The following GTPBP3 variants were observed in gnomAD, a reference collection of about 807,000 sequenced individuals.
The protein encoded by GTPBP3 is 5-taurinomethyluridine-[tRNA] synthase subunit GTPB3, mitochondrial.
Under a neutral mutation model 42.0 loss-of-function variants are expected in GTPBP3, and 35 were observed. The ratio of observed to expected loss-of-function variants is 0.83; its 90% CI spans 0.64 to 1.10. GTPBP3 has a LOEUF of 1.10. GTPBP3 is among the 50% of genes least tolerant of loss of function. GTPBP3 has a pLI of 0.00. For synonymous variants in GTPBP3, 332 were observed against 314.9 expected (o/e 1.05, Z -0.58); for missense variants, 691 against 685.2 (o/e 1.01, Z -0.09).
intron 7 of GTPBP3, 131 bp downstream of exon 7, chr19:17,339,730 A>C: frequency 1.7e-6 from 1 of 575,254 alleles, no homozygotes; most frequent in Non-Finnish European, 2.8e-6. Context: ...GATCTCAGGG[A>C]TTTGGTTCTT....
chr19:17,341,262 G>A lies in GTPBP3; in HGVS notation c.1193G>A (p.Cys398Tyr). 6.2e-7 allele frequency: 1 copy of A among 1,606,238 alleles called. No homozygotes were observed. The highest frequency in any genetic ancestry group is 8.5e-7 in the Non-Finnish European group (1 of 1,179,952). Residue 398 changes from cysteine to tyrosine, a missense_variant, in exon 8 of 9, where the codon TGT (cysteine) becomes TAT (tyrosine). Cys to Tyr is a radical substitution (Grantham distance 194, BLOSUM62 -2). Transcript: ENST00000324894. ...CTGCCCCCGCACCTGCTGCTGTCCT[G>A]TCTGACGGGAGAGGGGCTGGACGGC... ...PDLPPHLLLS[C>Y]LTGEGLDGLL...
chr19:17,339,277 G>T lies in GTPBP3; in HGVS notation c.808+11G>T. On this transcript the variant is annotated intron_variant, in intron 6 of 8. Coordinates refer to ENST00000324894, the MANE Select transcript of GTPBP3 (RefSeq NM_032620.4). ...TAGTGAACCTGCTCAGTGAGTAGGC[G>T]GCGGGAAGGGGGCGGGGCCTAGTGC... 6.3e-7 allele frequency: 1 copy of T among 1,593,516 alleles called. No homozygotes were observed.
chr19:17,339,277 G>A lies in GTPBP3; in HGVS notation c.808+11G>A. 3 of 1,593,518 alleles carry A rather than the reference G, an allele frequency of 1.9e-6. No individual in the cohort carries two copies. Among genetic ancestry groups the A allele is most frequent in the African/African-American group, 2.7e-5 (2 of 74,752 alleles). On this transcript the variant is annotated intron_variant, in intron 6 of 8. Transcript: ENST00000324894. ...TAGTGAACCTGCTCAGTGAGTAGGC[G>A]GCGGGAAGGGGGCGGGGCCTAGTGC...
chr19:17,339,715 G>T, intron 7 of GTPBP3, 116 bp downstream of exon 7: 1 of 920,738 alleles, frequency 1.1e-6, no homozygotes. Context: ...GCCCTATCAA[G>T]CATGGATCTC....
chr19:17,335,502 G>T (rs956166116), upstream of GTPBP3, among the ~76,000 whole-genome samples: 1 of 152,180 alleles, frequency 6.6e-6, no homozygotes, highest in African/African-American at 2.4e-5. Flanking sequence ...CAAGGCTGCA[G>T]TGAGCTGAGA....
upstream of GTPBP3, chr19:17,336,842 C>CAG (rs1262158032): frequency 6.6e-6 from 1 of 152,174 alleles, no homozygotes; most frequent in Non-Finnish European, 1.5e-5. Flanking sequence ...ACCAGAGAGA[C>CAG]AGAGAGCCAA....
intron 7 of GTPBP3, 122 bp downstream of exon 7, chr19:17,339,721 A>C: frequency 1.3e-6 from 1 of 766,794 alleles, no homozygotes; most frequent in East Asian, 3.1e-5. Flanking sequence ...TCAAGCATGG[A>C]TCTCAGGGAT....
Position 17,341,194 on chromosome 19 carries a change from G to T in GTPBP3, c.1125G>T (p.Lys375Asn). The change falls in exon 8 of 9, where the codon AAG becomes AAT. Residue 375 changes from lysine to asparagine, a missense_variant. Transcript: ENST00000324894. ...AGCGCCTCCTCCTGGTGCTGAACAA[G>T]TCGGACCTGCTGTCCCCGGAGGGCC... ...SSQRLLLVLNKSDLLSPEGPG... is the reference protein window; with the variant it reads ...SSQRLLLVLNNSDLLSPEGPG... 6.2e-7 allele frequency: 1 copy of T among 1,611,436 alleles called. No homozygotes were observed.
At chr19:17,338,817 C>G in intron 4 of GTPBP3, 76 bp downstream of exon 4, 1 of 1,537,228 alleles carries the variant, frequency 6.5e-7, no homozygotes, top group East Asian at 2.3e-5. Context: ...CCCTCTCAAT[C>G]CCGCATTCAT....
At chr19:17,339,738 C>CTTTTTTT (rs34014252) in intron 7 of GTPBP3, 139 bp downstream of exon 7, 1 of 422,378 alleles carries the variant, frequency 2.4e-6, no homozygotes, top group Admixed American at 5.6e-5. Flanking sequence ...GGATTTGGTT[C>CTTTTTTT]TTTTTTTTTT....
In GTPBP3 at chr19:17,338,670, C is replaced by T. The variant is rs2145701178; in HGVS notation, c.520C>T (p.Arg174Trp). 4.3e-6 allele frequency: 7 copies of T among 1,613,686 alleles called. No individual in the cohort carries two copies. In the East Asian group the frequency reaches 6.7e-5, roughly 15 times the overall value. ...CCACGCGGAAACAGAGGCGCAGCGG[C>T]GGCAGGCCCTCAGGCAGCTGGACGG... Reference protein sequence around the residue: ...LIHAETEAQRRQALRQLDGEL... With the variant: ...LIHAETEAQRWQALRQLDGEL... The change falls in exon 4 of 9, where the codon CGG (arginine) becomes TGG (tryptophan). Residue 174 changes from arginine (R) to tryptophan (W), a missense_variant. By Grantham distance (101) the Arg-to-Trp change is moderately radical (BLOSUM62 -3). Coordinates refer to ENST00000324894, the MANE Select transcript of GTPBP3 (RefSeq NM_032620.4).
chr19:17,338,068 G>GC lies in GTPBP3; in HGVS notation c.115dup (p.Leu39ProfsTer70). 2 of 1,597,934 alleles carry GC rather than the reference G, an allele frequency of 1.3e-6. No homozygotes were observed. Among genetic ancestry groups the GC allele is most frequent in the Non-Finnish European group, 1.7e-6 (2 of 1,179,464 alleles). ...CCGGCTCCGGCGCCACCATCTTCGC[G>GC]CTAAGCTCTGGCCAAGGCCGCTGCG... On this transcript the variant is annotated frameshift_variant, in exon 2 of 9. Transcript: ENST00000324894. LOFTEE classifies it high-confidence loss of function.
Position 17,341,041 on chromosome 19 carries a change from C to T in GTPBP3, c.975-3C>T. On this transcript the variant is annotated splice_polypyrimidine_tract_variant and splice_region_variant and intron_variant, in intron 7 of 8. Coordinates refer to ENST00000324894, the MANE Select transcript of GTPBP3 (RefSeq NM_032620.4). ...CCCCGCTCAGTTGACCTTGCTCCCG[C>T]AGGCTAGAGCAGGCTGACCTCATTC... 6.2e-7 allele frequency: 1 copy of T among 1,610,518 alleles called. No individual in the cohort carries two copies. The highest frequency in any genetic ancestry group is 8.5e-7 in the Non-Finnish European group (1 of 1,177,678).
chr19:17,340,160 G>A (rs574008263), intron 7 of GTPBP3, among the ~76,000 whole-genome samples: 2 of 151,966 alleles, frequency 1.3e-5, no homozygotes, highest in East Asian at 3.9e-4. Context: ...TGGGCCTCCC[G>A]AGTAGCTGGG....
At position 17,339,614 on chromosome 19, in the gene GTPBP3, T is replaced by C. The variant is rs753469253; in HGVS notation, c.974+15T>C. On this transcript the variant is annotated intron_variant, in intron 7 of 8. Transcript: ENST00000324894. The stretch of plus-strand genomic sequence containing the variant: ...GCCCGGGAGAGGTGGGCGGACAGGG[T>C]GGTGATGGGAGGGGAACGCGGGGCC... 1.3e-6 allele frequency: 2 copies of C among 1,588,494 alleles called. No individual in the cohort carries two copies. Among genetic ancestry groups the C allele is most frequent in the Non-Finnish European group, 8.5e-7 (1 of 1,172,160 alleles).
In GTPBP3 at chr19:17,338,267, C is replaced by T. The variant is rs1468486895; in HGVS notation, c.301+12C>T. 6.3e-6 allele frequency: 10 copies of T among 1,596,446 alleles called. No individual in the cohort carries two copies. The South Asian group carries it at 1.0e-4, about 16-fold the overall frequency. ...GCTCTGGTTCCCAGGTGAGGGTCCC[C>T]AGGTTCCGAGCCTCCTGTAGGTCCC... On this transcript the variant is annotated intron_variant, in intron 2 of 8. Coordinates refer to ENST00000324894, the MANE Select transcript of GTPBP3 (RefSeq NM_032620.4).
chr19:17,341,318 G>T lies in GTPBP3; in HGVS notation c.1249G>T (p.Ala417Ser), dbSNP rs1158598750. 5 of 1,596,812 alleles carry T rather than the reference G, an allele frequency of 3.1e-6. No homozygotes were observed. Among genetic ancestry groups the T allele is most frequent in the Non-Finnish European group, 4.3e-6 (5 of 1,174,540 alleles). The change falls in exon 8 of 9, where the codon GCA becomes TCA. Residue 417 changes from alanine to serine, a missense_variant. Physicochemically the swap from Ala to Ser is moderately conservative, Grantham distance 99. Coordinates refer to ENST00000324894, the MANE Select transcript of GTPBP3 (RefSeq NM_032620.4). ...GGAGGCGCTGAGGAAGGAGCTAGCT[G>T]CAGTGTGAGCCCCCTCCCACTCCCA... ...LLEALRKELA[A>S]VCGDPSTDPP...
chr19:17,338,030 G>T lies in GTPBP3; in HGVS notation c.76G>T (p.Gly26Cys), dbSNP rs774670384. The change falls in exon 2 of 9, where the codon GGC becomes TGC. Residue 26 changes from glycine to cysteine, a missense_variant. Gly to Cys is a radical substitution (Grantham distance 159). Coordinates refer to ENST00000324894, the MANE Select transcript of GTPBP3 (RefSeq NM_032620.4). ...CAGATTGTGCACGCGCCGGAGCAGCGGCGCACCAGCCCCCGGCTCCGGCGC... is the reference window on the plus strand; with the variant it reads ...CAGATTGTGCACGCGCCGGAGCAGCTGCGCACCAGCCCCCGGCTCCGGCGC... ...PRRLCTRRSS[G>C]APAPGSGATI... 5 of 1,597,690 alleles carry T rather than the reference G, an allele frequency of 3.1e-6. No individual in the cohort carries two copies. The highest frequency in any genetic ancestry group is 2.5e-6 in the Non-Finnish European group (3 of 1,179,464).
rs1434907747 is a variant in GTPBP3 at position 17,341,189 on chromosome 19, AACAAG to A, written c.1121_1125del (p.Asn374IlefsTer14). 14 of 1,611,694 alleles carry A rather than the reference AACAAG, an allele frequency of 8.7e-6. No individual in the cohort carries two copies. The highest frequency in any genetic ancestry group is 1.2e-5 in the Non-Finnish European group (14 of 1,179,952). The stretch of plus-strand genomic sequence containing the variant: ...CAGCCAGCGCCTCCTCCTGGTGCTG[AACAAG>A]TCGGACCTGCTGTCCCCGGAGGGCC... On this transcript the variant is annotated frameshift_variant, in exon 8 of 9. Coordinates refer to ENST00000324894, the MANE Select transcript of GTPBP3 (RefSeq NM_032620.4). LOFTEE classifies it high-confidence loss of function.
Sources: allele counts gnomAD v4.1 joint callset (sites outside exome capture counted in the v4.1 genomes callset), GRCh38; gene constraint gnomAD v4.1.1; transcripts MANE v1.5; gene names NCBI Gene and HGNC (gene_info 2026-07-23, HGNC 2026-07-21).